GPHN: variants seen among roughly 807,000 people sequenced by gnomAD.
GPHN encodes gephyrin.
Under a neutral mutation model 95.5 loss-of-function variants are expected in GPHN, and 17 were observed. The ratio of observed to expected loss-of-function variants is 0.18; its 90% CI spans 0.12 to 0.27. The LOEUF (loss-of-function observed/expected upper bound fraction) is 0.27. Among genes scored for constraint, GPHN ranks in the 10% least tolerant of loss-of-function variants. GPHN has a pLI of 1.00. For synonymous variants in GPHN, 320 were observed against 322.5 expected, an observed-to-expected ratio of 0.99 and a Z score of 0.08; for missense variants, 660 against 978.1, an observed-to-expected ratio of 0.67 and a Z score of 4.34.
chr14:66,985,007 C>T (rs1351564052), intron 9 of GPHN, among the ~76,000 whole-genome samples: 2 of 152,130 alleles, frequency 1.3e-5, no homozygotes, highest in Admixed American at 6.6e-5. Flanking sequence ...AAAAGTTTTA[C>T]TTTTCATTTC....
chr14:67,092,386 C>T (rs2077183341), intron 12 of GPHN, among the ~76,000 whole-genome samples: 2 of 152,190 alleles, frequency 1.3e-5, no homozygotes, highest in Middle Eastern at 6.8e-3. Context: ...TTCCTTTACT[C>T]TGGTTCCTTT....
chr14:66,848,498 A>G (rs915833725), intron 4 of GPHN, among the ~76,000 whole-genome samples: 3 of 152,140 alleles, frequency 2.0e-5, no homozygotes, highest in African/African-American at 7.2e-5. Context: ...GGCCATCTGT[A>G]GAAAGCTTCT....
At chr14:67,507,130 A>G in the GPHN span, among the ~76,000 whole-genome samples, 1 of 152,202 alleles carries the variant, frequency 6.6e-6, no homozygotes, top group Non-Finnish European at 1.5e-5. Context: ...CCTTTCAGGT[A>G]GTTAGGGCAA....
chr14:67,178,149 C>T (rs1168818989), intron 21 of GPHN, among the ~76,000 whole-genome samples: 1 of 152,184 alleles, frequency 6.6e-6, no homozygotes, highest in East Asian at 1.9e-4. Context: ...GCAGTTTCCT[C>T]ATAGCATCAA....
At chr14:66,676,201 A>G (rs2066578581) in intron 1 of GPHN, among the ~76,000 whole-genome samples, 1 of 151,926 alleles carries the variant, frequency 6.6e-6, no homozygotes, top group South Asian at 2.1e-4. Flanking sequence ...TTCTTCCTAG[A>G]GTTTTTTGAA....
chr14:66,702,862 G>A (rs1037728277), intron 2 of GPHN, among the ~76,000 whole-genome samples: 1 of 152,138 alleles, frequency 6.6e-6, no homozygotes, highest in African/African-American at 2.4e-5. Flanking sequence ...AAAGGAGCAT[G>A]TTCTAACCCA....
chr14:66,942,159 C>T (rs2067464740), intron 8 of GPHN, among the ~76,000 whole-genome samples: 2 of 152,084 alleles, frequency 1.3e-5, no homozygotes, highest in South Asian at 4.2e-4. Flanking sequence ...TTACAGGTGC[C>T]TGCCACCACA....
intron 4 of GPHN, among the ~76,000 whole-genome samples, chr14:66,842,410 G>A (rs1371229162): frequency 1.3e-5 from 2 of 152,118 alleles, no homozygotes; most frequent in South Asian, 2.1e-4. Context: ...TTGCCGTGGT[G>A]TAAACATATG....
At chr14:67,439,240 T>C in the GPHN span, among the ~76,000 whole-genome samples, 1 of 152,244 alleles carries the variant, frequency 6.6e-6, no homozygotes, top group Non-Finnish European at 1.5e-5. Context: ...TTCAGTGAGC[T>C]AGCTTTTTAA....
At chr14:67,320,561 CATT>C in the GPHN span, among the ~76,000 whole-genome samples, 2 of 152,086 alleles carry the variant, frequency 1.3e-5, no homozygotes, top group Non-Finnish European at 2.9e-5. Context: ...TAAAAATAGT[CATT>C]ATTAAGAAAT....
chr14:66,776,773 A>G (rs118076830), intron 3 of GPHN, among the ~76,000 whole-genome samples: 1,834 of 152,254 alleles, frequency 0.012, 19 homozygotes, highest in Non-Finnish European at 0.018. Context: ...TTCATTAAAA[A>G]TCTACATAAG....
At chr14:66,699,719 AT>A (rs1264135958) in intron 2 of GPHN, among the ~76,000 whole-genome samples, 3 of 152,274 alleles carry the variant, frequency 2.0e-5, no homozygotes, top group African/African-American at 7.2e-5. Context: ...TTTTTATACT[AT>A]TTGTATAAAT....
At chr14:66,948,672 A>G (rs2067901919) in intron 8 of GPHN, among the ~76,000 whole-genome samples, 1 of 152,226 alleles carries the variant, frequency 6.6e-6, no homozygotes, top group African/African-American at 2.4e-5. Context: ...TGCTGGTTGT[A>G]ATTGCTTAAC....
intron 2 of GPHN, among the ~76,000 whole-genome samples, chr14:66,731,464 C>G (rs547484537): frequency 6.6e-6 from 1 of 152,330 alleles, no homozygotes; most frequent in East Asian, 1.9e-4. Flanking sequence ...TTCTTGGTAA[C>G]TGGAGCAAAG....
chr14:67,388,390 A>G, the GPHN span: 6 of 795,184 alleles, frequency 7.5e-6, no homozygotes, highest in African/African-American at 8.5e-5. Context: ...CCAGCTAAAG[A>G]AGTGAGTGCA....
chr14:67,684,707 ATTCTTTTTAAT>A, the GPHN span: 1 of 188,212 alleles, frequency 5.3e-6, no homozygotes, highest in Admixed American at 6.0e-5. Flanking sequence ...TTCTTTTTAA[ATTCTTTTTAAT>A]GTAAAACAAT....
chr14:67,432,643 T>A, the GPHN span, among the ~76,000 whole-genome samples: 2 of 152,122 alleles, frequency 1.3e-5, no homozygotes, highest in African/African-American at 4.8e-5. Context: ...TGCCACAAAC[T>A]GTGGGGCTGA....
chr14:66,882,750 T>C (rs921794011), intron 5 of GPHN, among the ~76,000 whole-genome samples: 1 of 151,752 alleles, frequency 6.6e-6, no homozygotes, highest in African/African-American at 2.4e-5. Flanking sequence ...GTGAAACCTT[T>C]TCGTAGCTTT....
the GPHN span, among the ~76,000 whole-genome samples, chr14:67,439,534 T>TTTC: frequency 1.5e-4 from 2 of 13,452 alleles, no homozygotes; most frequent in South Asian, 5.1e-3. Context: ...AATTCAATAG[T>TTTC]TTCTTTCTTT....
Sources: allele counts gnomAD v4.1 joint callset (sites outside exome capture counted in the v4.1 genomes callset), GRCh38; gene constraint gnomAD v4.1.1; transcripts MANE v1.5; gene names NCBI Gene and HGNC (gene_info 2026-07-23, HGNC 2026-07-21).